TMEM132C: variants seen among roughly 807,000 people sequenced by gnomAD.
TMEM132C encodes protein phosphatase 1, regulatory subunit 152.
Under a neutral mutation model 61.4 loss-of-function variants are expected in TMEM132C, and 29 were observed. The ratio of observed to expected loss-of-function variants is 0.47; its 90% CI spans 0.35 to 0.64. The LOEUF is 0.64. TMEM132C is among the 30% of genes least tolerant of loss of function. The pLI, the probability that TMEM132C is intolerant of heterozygous loss-of-function variation, is 0.00. For missense variants in TMEM132C, 1,408 were observed against 1,476.9 expected (o/e 0.95, Z 0.76); for synonymous variants, 656 against 633.1 (o/e 1.04, Z -0.54).
chr12:128,639,227 A>G (rs1337538084), intron 4 of TMEM132C, among the ~76,000 whole-genome samples: 2 of 146,114 alleles, frequency 1.4e-5, no homozygotes, highest in Non-Finnish European at 3.0e-5. Flanking sequence ...GATAATGACA[A>G]TGGTGATGAT....
rs201040389 is a variant in TMEM132C, at chr12:128,442,582, GT to G, written c.974+26966del. Among the ~76,000 whole-genome samples the G allele has an allele frequency of 7.4e-3, 1,082 of 146,758 alleles. 4 individuals carry two copies. The highest frequency in any genetic ancestry group is 0.025 in the African/African-American group (1,014 of 39,862). On this transcript the variant is annotated intron_variant, in intron 2 of 8. Coordinates refer to ENST00000435159, the MANE Select transcript of TMEM132C (RefSeq NM_001136103.3). ...GGCCTGGACTTTTTGTAATGTCAGT[GT>G]TTTAAAAAAAAAAAAAAGGTGAGGG... is the stretch of plus-strand genomic sequence containing the variant.
At chr12:128,523,426 G>T (rs1215070033) in intron 2 of TMEM132C, among the ~76,000 whole-genome samples, 2 of 152,178 alleles carry the variant, frequency 1.3e-5, no homozygotes, top group African/African-American at 4.8e-5. Context: ...TTTATGTTAT[G>T]TGTATTTTAC....
intron 3 of TMEM132C, among the ~76,000 whole-genome samples, chr12:128,552,209 G>A (rs1048192608): frequency 3.3e-5 from 5 of 152,150 alleles, no homozygotes; most frequent in African/African-American, 4.8e-5. Context: ...TTTCTCATTA[G>A]GCATTCTTAT....
chr12:128,638,211 A>G (rs1159640275), intron 4 of TMEM132C, among the ~76,000 whole-genome samples: 3 of 152,150 alleles, frequency 2.0e-5, no homozygotes, highest in Admixed American at 1.3e-4. Context: ...AGCTTATAAA[A>G]TGCTTTCACA....
chr12:128,703,987 G>A (rs1954819840), intron 8 of TMEM132C, among the ~76,000 whole-genome samples: 1 of 152,172 alleles, frequency 6.6e-6, no homozygotes, highest in Admixed American at 6.5e-5. Flanking sequence ...CCTTCTGTGG[G>A]ATTATGTTTG....
At chr12:128,276,778 A>G (rs1870705090) in intron 1 of TMEM132C, among the ~76,000 whole-genome samples, 1 of 152,176 alleles carries the variant, frequency 6.6e-6, no homozygotes, top group Non-Finnish European at 1.5e-5. Context: ...GGCACGCGGT[A>G]TTCTACTAGC....
At chr12:128,298,498 C>A (rs1246321495) in intron 1 of TMEM132C, among the ~76,000 whole-genome samples, 1 of 152,180 alleles carries the variant, frequency 6.6e-6, no homozygotes, top group Non-Finnish European at 1.5e-5. Flanking sequence ...CCCAGCTCTC[C>A]CTGGTGATTG....
At position 128,644,716 on chromosome 12, in the gene TMEM132C, C is replaced by T. The variant is rs183478545; in HGVS notation, c.1306-24701C>T. ...AATTACTAAACTCCATGGCACTATA[C>T]GCTTAAATTGTTAAGTTTTATGGCA... On this transcript the variant is annotated intron_variant, in intron 4 of 8. Coordinates refer to ENST00000435159, the MANE Select transcript of TMEM132C (RefSeq NM_001136103.3). 1.1e-4 allele frequency among the ~76,000 whole-genome samples: 16 copies of T among 152,262 alleles called. No homozygotes were observed. In the East Asian group the frequency reaches 2.5e-3, roughly 24 times the overall value.
chr12:128,578,378 C>A (rs1163514006), intron 3 of TMEM132C, among the ~76,000 whole-genome samples: 1 of 152,236 alleles, frequency 6.6e-6, no homozygotes, highest in Non-Finnish European at 1.5e-5. Flanking sequence ...CCTCCCTCAC[C>A]TCCGTCTGAG....
intron 2 of TMEM132C, among the ~76,000 whole-genome samples, chr12:128,516,428 G>T (rs1872719789): frequency 6.6e-6 from 1 of 152,160 alleles, no homozygotes; most frequent in South Asian, 2.1e-4. Flanking sequence ...CTTAATTCAT[G>T]GTGGAAGAAC....
chr12:128,528,934 G>A (rs1873186393), intron 2 of TMEM132C, among the ~76,000 whole-genome samples: 1 of 152,106 alleles, frequency 6.6e-6, no homozygotes, highest in African/African-American at 2.4e-5. Flanking sequence ...TCAACTGCGG[G>A]ACTCAGCGGG....
At chr12:128,515,822 G>A (rs904482767) in intron 2 of TMEM132C, among the ~76,000 whole-genome samples, 5 of 150,404 alleles carry the variant, frequency 3.3e-5, no homozygotes, top group South Asian at 2.1e-4. Flanking sequence ...ACGACAGAGC[G>A]AGACTCCGTC....
intron 4 of TMEM132C, among the ~76,000 whole-genome samples, chr12:128,634,617 C>T (rs1416625527): frequency 6.6e-6 from 1 of 152,246 alleles, no homozygotes; most frequent in African/African-American, 2.4e-5. Context: ...GTGACACCTC[C>T]TGAGATGTGG....
At chr12:128,494,329 C>T (rs1345258171) in intron 2 of TMEM132C, among the ~76,000 whole-genome samples, 3 of 152,148 alleles carry the variant, frequency 2.0e-5, no homozygotes, top group Non-Finnish European at 2.9e-5. Context: ...TGTGTCTCTG[C>T]CAGGCTTTGC....
intron 3 of TMEM132C, among the ~76,000 whole-genome samples, chr12:128,606,583 C>G (rs1876435849): frequency 6.6e-6 from 1 of 152,210 alleles, no homozygotes; most frequent in Admixed American, 6.5e-5. Flanking sequence ...ACAAGGGGCC[C>G]AGACTTCCAC....
At chr12:128,654,644 C>T (rs770067514) in intron 4 of TMEM132C, among the ~76,000 whole-genome samples, 3 of 152,144 alleles carry the variant, frequency 2.0e-5, no homozygotes, top group South Asian at 2.1e-4. Context: ...GCAGGATCTC[C>T]GAGCTAACTA....
chr12:128,335,568 C>G (rs1278948541), intron 1 of TMEM132C, among the ~76,000 whole-genome samples: 2 of 152,280 alleles, frequency 1.3e-5, no homozygotes, highest in East Asian at 3.9e-4. Flanking sequence ...CCTGAATAAC[C>G]TCTTTTGATT....
rs139866350 is a variant in TMEM132C at position 128,323,787 on chromosome 12, C to T, written c.85+56300C>T. On this transcript the variant is annotated intron_variant, in intron 1 of 8. Coordinates refer to ENST00000435159, the MANE Select transcript of TMEM132C (RefSeq NM_001136103.3). ...GCCTGATTGCGTATGCTCAGCTGCG[C>T]TCAGGCTGGAGTCTTTGAGGGGACG... 2.7e-3 allele frequency among the ~76,000 whole-genome samples: 406 copies of T among 152,338 alleles called. 4 individuals are homozygous for T. Among genetic ancestry groups the T allele is most frequent in the African/African-American group, 9.6e-3 (399 of 41,572 alleles).
At chr12:128,452,687 G>C (rs1870217199) in intron 2 of TMEM132C, among the ~76,000 whole-genome samples, 2 of 151,750 alleles carry the variant, frequency 1.3e-5, no homozygotes, top group African/African-American at 4.8e-5. Flanking sequence ...CTGGGCGACA[G>C]AGTGAGACTC....
Sources: allele counts gnomAD v4.1 joint callset (sites outside exome capture counted in the v4.1 genomes callset), GRCh38; gene constraint gnomAD v4.1.1; transcripts MANE v1.5; gene names NCBI Gene and HGNC (gene_info 2026-07-23, HGNC 2026-07-21).